The following JOSD1 variants were observed in gnomAD, a reference collection of about 807,000 sequenced individuals.
JOSD1 encodes josephin-1.
A neutral mutation model predicts 24.3 loss-of-function variants in JOSD1; 11 were observed. The observed-to-expected ratio is 0.45, with a 90% CI of 0.29 to 0.75. The LOEUF (loss-of-function observed/expected upper bound fraction) is 0.75, where lower values mean the gene tolerates loss of function less well. Among genes scored for constraint, JOSD1 ranks in the 30% least tolerant of loss-of-function variants. JOSD1 has a pLI of 0.11. For synonymous variants in JOSD1, 106 were observed against 93.8 expected (o/e 1.13, Z -0.75); for missense variants, 184 against 253.5 (o/e 0.73, Z 1.86).
chr22:38,700,515 C>G lies in JOSD1; in HGVS notation c.-528G>C. 1.0e-6 allele frequency: 1 copy of G among 985,982 alleles called. No homozygotes were observed. 61.1% of individuals were successfully genotyped at this position (985,982 alleles called of 1,614,324 possible). A position where few individuals can be genotyped will look rare whatever the true frequency, so the allele number is the denominator to read the frequency against. On this transcript the variant is annotated 5_prime_UTR_variant, in exon 2 of 5. Transcript: ENST00000683374. Reference sequence around the variant, plus strand: ...GGCCGGCAGGCGTGGGACCGCGAGCCGCGCGGGGGCCTCGGGGGCAGCCCT... The same window carrying G: ...GGCCGGCAGGCGTGGGACCGCGAGCGGCGCGGGGGCCTCGGGGGCAGCCCT...
rs2092562365 is a variant in JOSD1 at position 38,700,163 on chromosome 22, C to T, written c.-176G>A. Reference sequence around the variant, plus strand: ...TGGAATCAAAAGGAAAAAAATAAAACCCACCTCTTCTCTCTTCTCAATAGA... The same window carrying T: ...TGGAATCAAAAGGAAAAAAATAAAATCCACCTCTTCTCTCTTCTCAATAGA... On this transcript the variant is annotated 5_prime_UTR_variant, in exon 2 of 5. Transcript: ENST00000683374. 1 of 1,327,070 alleles carries T rather than the reference C, an allele frequency of 7.5e-7. No individual in the cohort carries two copies. Among genetic ancestry groups the T allele is most frequent in the Non-Finnish European group, 9.6e-7 (1 of 1,039,454 alleles). The allele number at this position is 1,327,070 out of a possible 1,614,324, so 82.2% of individuals were successfully genotyped here.
At chr22:38,698,322 T>C (rs2092553733) in intron 2 of JOSD1, among the ~76,000 whole-genome samples, 1 of 152,216 alleles carries the variant, frequency 6.6e-6, no homozygotes, top group Non-Finnish European at 1.5e-5. Flanking sequence ...AAGGCATTAC[T>C]CTGGTTACTA....
Position 38,689,045 on chromosome 22 carries a change from C to G in JOSD1, c.399G>C (p.Leu133=), listed in dbSNP as rs865886259. Reference sequence around the variant, plus strand: ...AGATCCAGTGCTGCCTTTTGAGGGGCAGTTTCAGTGGACCCCAGCATAGGC... The same window carrying G: ...AGATCCAGTGCTGCCTTTTGAGGGGGAGTTTCAGTGGACCCCAGCATAGGC... ...PSSLCWGPLK[L]PLKRQHWICV... The change falls in exon 4 of 5, where the codon CTG becomes CTC. Residue 133 remains leucine, a synonymous_variant. Coordinates refer to ENST00000683374, the MANE Select transcript of JOSD1 (RefSeq NM_001360236.2). 2 of 1,614,178 alleles carry G rather than the reference C, an allele frequency of 1.2e-6. No individual in the cohort carries two copies. The highest frequency in any genetic ancestry group is 8.5e-7 in the Non-Finnish European group (1 of 1,180,028).
At chr22:38,692,833 A>G (rs1484065647) in intron 2 of JOSD1, among the ~76,000 whole-genome samples, 1 of 151,638 alleles carries the variant, frequency 6.6e-6, no homozygotes, top group South Asian at 2.1e-4. Flanking sequence ...CAGAACACAT[A>G]TGAAAGAAGG....
rs1255321779 is a variant in JOSD1 at position 38,686,614 on chromosome 22, T to C, written c.*1288A>G. The C allele has an allele frequency of 1.3e-5, 2 of 152,208 alleles. No homozygotes were observed. Among genetic ancestry groups the C allele is most frequent in the African/African-American group, 4.8e-5 (2 of 41,432 alleles). The allele number at this position is 152,208 out of a possible 1,614,324, so 9.4% of individuals were successfully genotyped here. Reference sequence around the variant, plus strand: ...CCATTGATACAGAGAGGAAACGACATGAAGATGACCAGCCCAGGTCCTATT... The same window carrying C: ...CCATTGATACAGAGAGGAAACGACACGAAGATGACCAGCCCAGGTCCTATT... On this transcript the variant is annotated 3_prime_UTR_variant, in exon 5 of 5. Transcript: ENST00000683374.
At chr22:38,690,521 G>T (rs936765714) in intron 2 of JOSD1, among the ~76,000 whole-genome samples, 2 of 151,682 alleles carry the variant, frequency 1.3e-5, no homozygotes, top group Non-Finnish European at 2.9e-5. Flanking sequence ...TCTTGCCTTA[G>T]CCTCCCAAGT....
chr22:38,698,336 G>T (rs895340649), intron 2 of JOSD1, among the ~76,000 whole-genome samples: 11 of 152,158 alleles, frequency 7.2e-5, no homozygotes, highest in Non-Finnish European at 1.6e-4. Flanking sequence ...GTTACTACTG[G>T]CATTGGAAAA....
At chr22:38,695,043 C>T (rs1342047748) in intron 2 of JOSD1, among the ~76,000 whole-genome samples, 2 of 152,060 alleles carry the variant, frequency 1.3e-5, no homozygotes, top group South Asian at 2.1e-4. Flanking sequence ...TTCTTTTCCC[C>T]GCCCTAATTC....
chr22:38,693,345 C>T (rs1240609626), intron 2 of JOSD1, among the ~76,000 whole-genome samples: 1 of 152,198 alleles, frequency 6.6e-6, no homozygotes, highest in Non-Finnish European at 1.5e-5. Flanking sequence ...CTCCTTACCT[C>T]ACACCTTGAC....
rs967189868 is a variant in JOSD1 at position 38,698,769 on chromosome 22, T to C, written c.185+1034A>G. 4.6e-5 allele frequency among the ~76,000 whole-genome samples: 7 copies of C among 152,142 alleles called. 1 individual carries two copies. Among genetic ancestry groups the C allele is most frequent in the African/African-American group, 1.7e-4 (7 of 41,422 alleles). On this transcript the variant is annotated intron_variant, in intron 2 of 4. Coordinates refer to ENST00000683374, the MANE Select transcript of JOSD1 (RefSeq NM_001360236.2). ...AGCAAAGAGAAAAAAGCTGAACTTC[T>C]TTTTTTGTTTTTCCGAGACCCGTCA...
rs2092566687 is a variant in JOSD1, at chr22:38,700,876, G to A, written c.-708C>T. ...CGGCCGCAGACCCCAGGGCCGCCGG[G>A]ACTGCTCGCCGCTGGCGGTCCCCTC... On this transcript the variant is annotated 5_prime_UTR_variant, in exon 1 of 5. Transcript: ENST00000683374. 1 of 984,380 alleles carries A rather than the reference G, an allele frequency of 1.0e-6. No individual in the cohort carries two copies. The highest frequency in any genetic ancestry group is 1.2e-6 in the Non-Finnish European group (1 of 829,678). The allele number at this position is 984,380 out of a possible 1,614,324, so 61.0% of individuals were successfully genotyped here.
At chr22:38,689,740 T>C (rs1251562736) in intron 2 of JOSD1, among the ~76,000 whole-genome samples, 1 of 152,048 alleles carries the variant, frequency 6.6e-6, no homozygotes, top group Non-Finnish European at 1.5e-5. Flanking sequence ...TAGTAACTGG[T>C]GTCACTCCTG....
At chr22:38,690,890 G>A (rs2092518968) in intron 2 of JOSD1, among the ~76,000 whole-genome samples, 1 of 152,004 alleles carries the variant, frequency 6.6e-6, no homozygotes, top group African/African-American at 2.4e-5. Context: ...GCGTGGTGGT[G>A]CACGCCTGTA....
In JOSD1 at chr22:38,689,024, C is replaced by A. The variant is rs2092510275; in HGVS notation, c.420G>T (p.Trp140Cys). ...PLKLPLKRQH[W>C]ICVREVGGAY... ...CCCCTCCCACCTCTCGAACACAGAT[C>A]CAGTGCTGCCTTTTGAGGGGCAGTT... Residue 140 changes from tryptophan (W) to cysteine (C), a missense_variant, in exon 4 of 5, where the codon TGG (tryptophan) becomes TGT (cysteine). Trp to Cys is a radical substitution (Grantham distance 215). Transcript: ENST00000683374. 1 of 1,614,070 alleles carries A rather than the reference C, an allele frequency of 6.2e-7. No individual in the cohort carries two copies.
rs2092496438 is a variant in JOSD1, at chr22:38,686,069, G to C, written c.*1833C>G. On this transcript the variant is annotated 3_prime_UTR_variant, in exon 5 of 5. Coordinates refer to ENST00000683374, the MANE Select transcript of JOSD1 (RefSeq NM_001360236.2). ...TCAGCAAGGTTGGCTGTAATGTCTGGCTGGTGGTGGTTGGAATGTCATTGT... is the reference window on the plus strand; with the variant it reads ...TCAGCAAGGTTGGCTGTAATGTCTGCCTGGTGGTGGTTGGAATGTCATTGT... 6.6e-6 allele frequency: 1 copy of C among 152,644 alleles called. No individual in the cohort carries two copies. The highest frequency in any genetic ancestry group is 2.4e-5 in the African/African-American group (1 of 41,430). 9.5% of individuals were successfully genotyped at this position (152,644 alleles called of 1,614,324 possible).
chr22:38,700,337 T>A lies in JOSD1; in HGVS notation c.-350A>T, dbSNP rs1603148651. The A allele has an allele frequency of 1.0e-6, 1 of 974,154 alleles. No homozygotes were observed. The highest frequency in any genetic ancestry group is 1.3e-4 in the East Asian group (1 of 7,774). The allele number at this position is 974,154 out of a possible 1,614,324, so 60.3% of individuals were successfully genotyped here. A position where few individuals can be genotyped will look rare whatever the true frequency, so the allele number is the denominator to read the frequency against. On this transcript the variant is annotated 5_prime_UTR_variant, in exon 2 of 5. Coordinates refer to ENST00000683374, the MANE Select transcript of JOSD1 (RefSeq NM_001360236.2). ...CCCCACGATTTTCTTGCTGTTTCCC[T>A]CTGCAAATGCCAGGCCTCAAAGCAG...
rs1156914424 is a variant in JOSD1 at position 38,689,028 on chromosome 22, T to C, written c.416A>G (p.His139Arg). The C allele has an allele frequency of 2.5e-6, 4 of 1,614,034 alleles. No homozygotes were observed. The highest frequency in any genetic ancestry group is 2.5e-6 in the Non-Finnish European group (3 of 1,180,042). Residue 139 changes from histidine to arginine, a missense_variant, in exon 4 of 5, where the codon CAC becomes CGC. Coordinates refer to ENST00000683374, the MANE Select transcript of JOSD1 (RefSeq NM_001360236.2). ...TCCCACCTCTCGAACACAGATCCAGTGCTGCCTTTTGAGGGGCAGTTTCAG... is the reference window on the plus strand; with the variant it reads ...TCCCACCTCTCGAACACAGATCCAGCGCTGCCTTTTGAGGGGCAGTTTCAG... Reference protein sequence around the residue: ...GPLKLPLKRQHWICVREVGGA... With the variant: ...GPLKLPLKRQRWICVREVGGA...
In JOSD1 at chr22:38,700,845, C is replaced by G. The variant is rs1448338612; in HGVS notation, c.-677G>C. 2.0e-6 allele frequency: 2 copies of G among 984,648 alleles called. No individual in the cohort carries two copies. Among genetic ancestry groups the G allele is most frequent in the African/African-American group, 3.5e-5 (2 of 57,250 alleles). 61.0% of individuals were successfully genotyped at this position (984,648 alleles called of 1,614,324 possible). On this transcript the variant is annotated 5_prime_UTR_variant, in exon 1 of 5. Transcript: ENST00000683374. ...CGCAGGCCCAGACGCCCTCCCGCCG[C>G]GCCCCCGGCCGCAGACCCCAGGGCC...
intron 2 of JOSD1, among the ~76,000 whole-genome samples, chr22:38,691,335 T>A (rs1452541430): frequency 6.8e-6 from 1 of 146,982 alleles, no homozygotes; most frequent in African/African-American, 2.5e-5. Context: ...CCAGCCTGGG[T>A]GATAGAGTAA....
Sources: gnomAD v4.1 joint callset for allele counts (sites outside exome capture counted in the v4.1 genomes callset) on GRCh38, gnomAD v4.1.1 for gene constraint, MANE v1.5 for transcripts, NCBI Gene and HGNC (gene_info 2026-07-23, HGNC 2026-07-21) for gene names.